Variants in GRIA1 observed in about 807,000 individuals in gnomAD.
The protein encoded by GRIA1 is glutamate ionotropic receptor AMPA type subunit 1, also known as glutamate receptor 1.
Under a neutral mutation model 99.2 loss-of-function variants are expected in GRIA1, and 31 were observed. The ratio of observed to expected loss-of-function variants is 0.31; its 90% CI spans 0.23 to 0.42. The LOEUF is 0.42. GRIA1 is among the 10% of genes least tolerant of loss of function. GRIA1 has a pLI of 1.00. For missense variants in GRIA1, 782 were observed against 1,157.5 expected, an observed-to-expected ratio of 0.68 and a Z score of 4.71; for synonymous variants, 438 against 432.4, an observed-to-expected ratio of 1.01 and a Z score of -0.16.
intron 2 of GRIA1, among the ~76,000 whole-genome samples, chr5:153,634,377 G>A (rs1164383775): frequency 6.6e-6 from 1 of 151,538 alleles, no homozygotes; most frequent in African/African-American, 2.4e-5. Context: ...CCTCTATGAA[G>A]AGAGAACATT....
intron 7 of GRIA1, among the ~76,000 whole-genome samples, chr5:153,681,975 A>C (rs1356469810): frequency 6.6e-6 from 1 of 151,922 alleles, no homozygotes; most frequent in African/African-American, 2.4e-5. Flanking sequence ...CAGAGGTTAC[A>C]GTGAGCCGAG....
At chr5:153,686,749 T>A (rs1156392570) in intron 8 of GRIA1, among the ~76,000 whole-genome samples, 2 of 152,220 alleles carry the variant, frequency 1.3e-5, no homozygotes, top group Non-Finnish European at 2.9e-5. Context: ...CACTCTATTA[T>A]TTATACAAAA....
chr5:153,758,764 G>A (rs867676072), intron 11 of GRIA1, among the ~76,000 whole-genome samples: 35 of 152,004 alleles, frequency 2.3e-4, no homozygotes, highest in African/African-American at 4.8e-4. Context: ...TAGGATATAC[G>A]TTATTTGCAA....
At chr5:153,695,248 T>C (rs528019238) in intron 8 of GRIA1, among the ~76,000 whole-genome samples, 21 of 152,080 alleles carry the variant, frequency 1.4e-4, no homozygotes, top group Non-Finnish European at 2.6e-4. Flanking sequence ...AAAGATGTTA[T>C]AAAAGTACTG....
chr5:153,646,768 A>G (rs542748969), intron 2 of GRIA1, among the ~76,000 whole-genome samples, 160 bp from the exon 3 acceptor site: 1 of 152,300 alleles, frequency 6.6e-6, no homozygotes, highest in East Asian at 1.9e-4. Context: ...TGTCGAAAGG[A>G]TGAATGGATG....
chr5:153,758,250 A>T (rs2149599349), intron 11 of GRIA1, among the ~76,000 whole-genome samples: 1 of 152,210 alleles, frequency 6.6e-6, no homozygotes, highest in South Asian at 2.1e-4. Flanking sequence ...CAATTAAAAG[A>T]CATAGCGTGG....
intron 2 of GRIA1, among the ~76,000 whole-genome samples, chr5:153,570,755 A>G (rs981522127): frequency 2.0e-5 from 3 of 152,222 alleles, no homozygotes; most frequent in Non-Finnish European, 4.4e-5. Context: ...AATGATGACT[A>G]AATGAGAGGA....
chr5:153,509,590 G>A (rs1338270588), intron 2 of GRIA1, among the ~76,000 whole-genome samples: 1 of 152,178 alleles, frequency 6.6e-6, no homozygotes, highest in Non-Finnish European at 1.5e-5. Context: ...CTAGGGAATA[G>A]GCTCAATAAA....
intron 2 of GRIA1, among the ~76,000 whole-genome samples, chr5:153,543,317 C>G (rs1759309229): frequency 6.6e-6 from 1 of 152,126 alleles, no homozygotes; most frequent in African/African-American, 2.4e-5. Flanking sequence ...TAAGAATCAA[C>G]AGCTAACATT....
At chr5:153,628,414 C>G (rs1353004810) in intron 2 of GRIA1, among the ~76,000 whole-genome samples, 1 of 152,154 alleles carries the variant, frequency 6.6e-6, no homozygotes, top group African/African-American at 2.4e-5. Flanking sequence ...TCATATTTTC[C>G]TCTGTAAATG....
intron 1 of GRIA1, among the ~76,000 whole-genome samples, chr5:153,492,560 A>G (rs959954690): frequency 2.0e-5 from 3 of 152,264 alleles, no homozygotes; most frequent in Middle Eastern, 3.4e-3. Context: ...ACATGTGGAA[A>G]TCACTGGCTC....
At chr5:153,656,229 T>G (rs1023599682) in intron 5 of GRIA1, among the ~76,000 whole-genome samples, 23 of 152,082 alleles carry the variant, frequency 1.5e-4, no homozygotes, top group African/African-American at 5.6e-4. Flanking sequence ...TCCTCCATTT[T>G]GACCCCAGTG....
chr5:153,609,068 C>G lies in GRIA1; in HGVS notation c.221-37860C>G, dbSNP rs189975336. Among the ~76,000 whole-genome samples, 53 of 152,300 alleles carry G rather than the reference C, an allele frequency of 3.5e-4. No homozygotes were observed. In the East Asian group the frequency reaches 0.01, roughly 29 times the overall value. On this transcript the variant is annotated intron_variant, in intron 2 of 15. Transcript: ENST00000285900. ...AAAGTTGGGTTTAACAAGCTTCCCC[C>G]ACTGCAATCACCATATTTTGGTCCT...
Position 153,795,671 on chromosome 5 carries a change from G to A in GRIA1, c.2385+936G>A, listed in dbSNP as rs903735619. The A allele has an allele frequency of 9.0e-6, 7 of 774,060 alleles. No homozygotes were observed. The African/African-American group carries it at 1.2e-4, about 14-fold the overall frequency. The allele number at this position is 774,060 out of a possible 1,614,324, so 47.9% of individuals were successfully genotyped here. A position where few individuals can be genotyped will look rare whatever the true frequency, so the allele number is the denominator to read the frequency against. On this transcript the variant is annotated intron_variant, in intron 14 of 15. Transcript: ENST00000285900. Reference sequence around the variant, plus strand: ...AACAGTGTCCTCCGAGCCTCAGAGAGGCTTGGAGGCCTTAGAGAGCTGGGC... The same window carrying A: ...AACAGTGTCCTCCGAGCCTCAGAGAAGCTTGGAGGCCTTAGAGAGCTGGGC...
At chr5:153,631,810 T>C (rs2149436402) in intron 2 of GRIA1, among the ~76,000 whole-genome samples, 1 of 152,208 alleles carries the variant, frequency 6.6e-6, no homozygotes, top group Admixed American at 6.5e-5. Context: ...ACAAACTAAA[T>C]GTTGTGACCG....
At chr5:153,635,338 T>G (rs1753272359) in intron 2 of GRIA1, among the ~76,000 whole-genome samples, 2 of 152,216 alleles carry the variant, frequency 1.3e-5, no homozygotes, top group African/African-American at 4.8e-5. Context: ...CTATGGGGAT[T>G]GCGGAGATGA....
intron 2 of GRIA1, among the ~76,000 whole-genome samples, chr5:153,504,318 G>T (rs1267474614): frequency 1.3e-5 from 2 of 149,238 alleles, no homozygotes; most frequent in African/African-American, 4.9e-5. Flanking sequence ...AGGCAAAATA[G>T]ATATATATAT....
At position 153,510,877 on chromosome 5, in the gene GRIA1, G is replaced by A. The variant is rs185361075; in HGVS notation, c.220+16812G>A. Among the ~76,000 whole-genome samples, 499 of 152,242 alleles carry A rather than the reference G, an allele frequency of 3.3e-3. 4 individuals carry two copies. Among genetic ancestry groups the A allele is most frequent in the African/African-American group, 0.012 (478 of 41,552 alleles). Reference sequence around the variant, plus strand: ...TGTTTTAGGAGCTCATTTAGTCAGTGCTTCCCATTAGAACTGTGATGTTCT... The same window carrying A: ...TGTTTTAGGAGCTCATTTAGTCAGTACTTCCCATTAGAACTGTGATGTTCT... On this transcript the variant is annotated intron_variant, in intron 2 of 15. Coordinates refer to ENST00000285900, the MANE Select transcript of GRIA1 (RefSeq NM_000827.4).
At chr5:153,554,336 A>G (rs1049996582) in intron 2 of GRIA1, among the ~76,000 whole-genome samples, 1 of 152,152 alleles carries the variant, frequency 6.6e-6, no homozygotes, top group African/African-American at 2.4e-5. Flanking sequence ...TGGTGAATTC[A>G]TTCTTCTAGA....
Sources: allele counts gnomAD v4.1 joint callset (sites outside exome capture counted in the v4.1 genomes callset), GRCh38; gene constraint gnomAD v4.1.1; transcripts MANE v1.5; gene names NCBI Gene and HGNC (gene_info 2026-07-23, HGNC 2026-07-21).